The following GPR158 variants were observed in gnomAD, a reference collection of about 807,000 sequenced individuals.
GPR158 encodes the protein G protein-coupled receptor 158, also known as metabotropic glycine receptor.
A neutral mutation model predicts 78.2 loss-of-function variants in GPR158; 30 were observed. The observed-to-expected ratio is 0.38, with a 90% CI of 0.29 to 0.52. The LOEUF (loss-of-function observed/expected upper bound fraction) is 0.52, where lower values mean the gene tolerates loss of function less well. GPR158 is among the 20% of genes least tolerant of loss of function. The probability of loss-of-function intolerance (pLI) is 0.83; values close to 1 mark genes in which losing one functional copy is unlikely to be tolerated. For synonymous variants in GPR158, 581 were observed against 591.1 expected (o/e 0.98, Z 0.25); for missense variants, 1,463 against 1,523.5 (o/e 0.96, Z 0.66).
intron 4 of GPR158, among the ~76,000 whole-genome samples, chr10:25,419,147 A>G (rs1162951913): frequency 1.3e-5 from 2 of 152,118 alleles, no homozygotes. Flanking sequence ...CCCATTATAC[A>G]ATAACATCCC....
chr10:25,235,742 G>A (rs1853513867), intron 2 of GPR158, among the ~76,000 whole-genome samples: 2 of 146,278 alleles, frequency 1.4e-5, no homozygotes, highest in African/African-American at 2.6e-5. Flanking sequence ...TGTCATCCAG[G>A]CTGGAGTGCA....
chr10:25,445,662 G>T (rs2130594584), intron 4 of GPR158, among the ~76,000 whole-genome samples: 1 of 152,190 alleles, frequency 6.6e-6, no homozygotes, highest in Non-Finnish European at 1.5e-5. Context: ...GCAACACTAG[G>T]GGTGGAAGAA....
In GPR158 at chr10:25,597,985, C is replaced by G. The variant is rs1837432718; in HGVS notation, c.2359C>G (p.Leu787Val). Residue 787 changes from leucine (L) to valine (V), a missense_variant, in exon 11 of 11, where the codon CTC becomes GTC. Transcript: ENST00000376351. ...CCATGGCACAGCCAAAGGCACTGCCCTCATCAGGAAGAACCCCCCAGAGTC... is the reference window on the plus strand; with the variant it reads ...CCATGGCACAGCCAAAGGCACTGCCGTCATCAGGAAGAACCCCCCAGAGTC... ...ADHGTAKGTA[L>V]IRKNPPESSG... is the part of the protein sequence containing the mutation. 6.2e-7 allele frequency: 1 copy of G among 1,613,928 alleles called. No individual in the cohort carries two copies. The highest frequency in any genetic ancestry group is 1.3e-5 in the African/African-American group (1 of 74,926).
At chr10:25,365,751 T>C (rs185691988) in intron 2 of GPR158, among the ~76,000 whole-genome samples, 40 of 151,790 alleles carry the variant, frequency 2.6e-4, no homozygotes, top group African/African-American at 9.2e-4. Flanking sequence ...TATGTTTTTA[T>C]TGACATATAA....
intron 2 of GPR158, among the ~76,000 whole-genome samples, chr10:25,381,626 A>G (rs1017038340): frequency 2.0e-5 from 3 of 152,174 alleles, no homozygotes; most frequent in African/African-American, 7.2e-5. Context: ...CCATTTTACT[A>G]GGAGCATATG....
At chr10:25,253,184 C>T (rs1046119048) in intron 2 of GPR158, among the ~76,000 whole-genome samples, 54 of 152,384 alleles carry the variant, frequency 3.5e-4, no homozygotes, top group Admixed American at 2.9e-3. Context: ...GCGCACCGTG[C>T]GCGCACCCAC....
At chr10:25,324,152 T>A (rs2130482598) in intron 2 of GPR158, among the ~76,000 whole-genome samples, 1 of 152,376 alleles carries the variant, frequency 6.6e-6, no homozygotes, top group South Asian at 2.1e-4. Flanking sequence ...TTAATTTCCT[T>A]CAGTAACTTT....
chr10:25,183,158 C>G (rs765180309), intron 1 of GPR158, among the ~76,000 whole-genome samples: 2 of 152,058 alleles, frequency 1.3e-5, no homozygotes, highest in African/African-American at 4.8e-5. Flanking sequence ...TGCAATTACT[C>G]TCCTGAGTCT....
intron 3 of GPR158, among the ~76,000 whole-genome samples, chr10:25,396,509 A>T (rs1270537362): frequency 6.6e-6 from 1 of 152,160 alleles, no homozygotes; most frequent in Non-Finnish European, 1.5e-5. Context: ...CTCTAAAATC[A>T]AGATGTTGGC....
intron 2 of GPR158, among the ~76,000 whole-genome samples, chr10:25,347,065 A>G (rs1855381048): frequency 6.6e-6 from 1 of 151,968 alleles, no homozygotes; most frequent in Non-Finnish European, 1.5e-5. Flanking sequence ...GCAAAGTACC[A>G]AGCATAGTGC....
rs538158188 is a variant in GPR158 at position 25,535,383 on chromosome 10, G to A, written c.1405-15593G>A. Among the ~76,000 whole-genome samples, 4 of 152,328 alleles carry A rather than the reference G, an allele frequency of 2.6e-5. 1 individual carries two copies. Among genetic ancestry groups the A allele is most frequent in the African/African-American group, 9.6e-5 (4 of 41,568 alleles). On this transcript the variant is annotated intron_variant, in intron 5 of 10. Transcript: ENST00000376351. ...ATGAAGCATGCGCCATATTGGAGTG[G>A]CCCACATGGCAAGGAACTGAGAATG...
intron 2 of GPR158, among the ~76,000 whole-genome samples, chr10:25,279,652 G>A (rs898051899): frequency 3.9e-5 from 6 of 152,078 alleles, no homozygotes; most frequent in Non-Finnish European, 8.8e-5. Flanking sequence ...TAGTGACCTC[G>A]CAGCTACACA....
chr10:25,478,240 A>G (rs913829704), intron 5 of GPR158, among the ~76,000 whole-genome samples: 2 of 152,222 alleles, frequency 1.3e-5, no homozygotes, highest in Non-Finnish European at 2.9e-5. Context: ...TTAGTTTGTC[A>G]GTGAAAAGCA....
At chr10:25,460,013 C>G (rs1835336680) in intron 4 of GPR158, among the ~76,000 whole-genome samples, 1 of 151,956 alleles carries the variant, frequency 6.6e-6, no homozygotes, top group Admixed American at 6.6e-5. Context: ...GAGAGTTAGG[C>G]TCAATGATAA....
chr10:25,208,000 G>A (rs969109636), intron 1 of GPR158, among the ~76,000 whole-genome samples: 21 of 152,176 alleles, frequency 1.4e-4, no homozygotes, highest in Non-Finnish European at 2.6e-4. Context: ...GTTTGGTAAA[G>A]ATAAAATGAG....
At chr10:25,332,502 T>C (rs1215972727) in intron 2 of GPR158, among the ~76,000 whole-genome samples, 2 of 152,134 alleles carry the variant, frequency 1.3e-5, no homozygotes, top group African/African-American at 4.8e-5. Flanking sequence ...AATTGAGACA[T>C]AGAACATGGC....
intron 6 of GPR158, among the ~76,000 whole-genome samples, chr10:25,551,742 CT>C (rs1459204835): frequency 2.0e-5 from 3 of 152,246 alleles, no homozygotes; most frequent in East Asian, 3.9e-4. Flanking sequence ...CTCTTGCCTC[CT>C]TTTTCCAGGT....
intron 4 of GPR158, among the ~76,000 whole-genome samples, chr10:25,425,723 T>C (rs1834811620): frequency 6.6e-6 from 1 of 151,990 alleles, no homozygotes; most frequent in African/African-American, 2.4e-5. Flanking sequence ...AATCCCATTT[T>C]ATGGGTTATT....
chr10:25,578,323 T>C (rs754538067), intron 7 of GPR158, among the ~76,000 whole-genome samples: 3 of 152,226 alleles, frequency 2.0e-5, no homozygotes, highest in Non-Finnish European at 2.9e-5. Context: ...TGAAAAATAT[T>C]TGTTGAAAGA....
Sources: gnomAD v4.1 joint callset for allele counts (sites outside exome capture counted in the v4.1 genomes callset) on GRCh38, gnomAD v4.1.1 for gene constraint, MANE v1.5 for transcripts, NCBI Gene and HGNC (gene_info 2026-07-23, HGNC 2026-07-21) for gene names.